The following CLTC variants were observed in gnomAD, a reference collection of about 807,000 sequenced individuals.
The protein encoded by CLTC is clathrin heavy chain 1.
CLTC carries 16 observed loss-of-function variants against 195.8 expected under a neutral mutation model. That is an observed-to-expected ratio of 0.08 (90% CI 0.06 to 0.12). The LOEUF (loss-of-function observed/expected upper bound fraction) is 0.12. CLTC is among the 10% of genes least tolerant of loss of function. The probability of loss-of-function intolerance (pLI) is 1.00; values close to 1 mark genes in which losing one functional copy is unlikely to be tolerated. For synonymous variants in CLTC, 667 were observed against 689.4 expected, an observed-to-expected ratio of 0.97 and a Z score of 0.51; for missense variants, 796 against 2,027.0, an observed-to-expected ratio of 0.39 and a Z score of 11.66.
chr17:59,645,904 A>G, intron 2 of CLTC: 1 of 192,122 alleles, frequency 5.2e-6, no homozygotes, highest in Non-Finnish European at 9.5e-6. Context: ...GTCCTTAGCA[A>G]TTCCCATGCC....
intron 8 of CLTC, among the ~76,000 whole-genome samples, chr17:59,662,246 T>C (rs571715069): frequency 6.6e-6 from 1 of 152,326 alleles, no homozygotes; most frequent in South Asian, 2.1e-4. Flanking sequence ...TTTATTTAAA[T>C]ATGAACCTTT....
At position 59,694,948 on chromosome 17, in the gene CLTC, A is replaced by G. The variant is rs922218300; in HGVS notation, c.*1096A>G. Reference sequence around the variant, plus strand: ...TTCCTGTAGTTCATTAACAAGGTACATGCAATAGTCTAAAGAACCAGAGTC... The same window carrying G: ...TTCCTGTAGTTCATTAACAAGGTACGTGCAATAGTCTAAAGAACCAGAGTC... On this transcript the variant is annotated 3_prime_UTR_variant, in exon 32 of 32. Transcript: ENST00000269122. The G allele has an allele frequency of 2.3e-5, 5 of 220,642 alleles. No individual in the cohort carries two copies. Among genetic ancestry groups the G allele is most frequent in the Non-Finnish European group, 3.6e-5 (4 of 110,046 alleles). 13.7% of individuals were successfully genotyped at this position (220,642 alleles called of 1,614,324 possible).
chr17:59,639,942 A>C (rs937080375), intron 1 of CLTC, among the ~76,000 whole-genome samples: 2 of 152,158 alleles, frequency 1.3e-5, no homozygotes, highest in Non-Finnish European at 2.9e-5. Flanking sequence ...CAACAGGGCA[A>C]GACCCTGTCT....
At position 59,685,230 on chromosome 17, in the gene CLTC, G is replaced by C; in HGVS notation, c.4605+4G>C. 6.3e-7 allele frequency: 1 copy of C among 1,575,214 alleles called. No individual in the cohort carries two copies. The highest frequency in any genetic ancestry group is 8.7e-7 in the Non-Finnish European group (1 of 1,155,676). On this transcript the variant is annotated splice_donor_region_variant and intron_variant, in intron 29 of 31. Transcript: ENST00000269122. This position sits in a 1 kb window ranked among gnomAD's most constrained non-coding sequence, Gnocchi z 5.0. ...CAAGAAAGACAGCCTTTACAAGGTTGATAAAGTTGCGGGGCAGGGGCTGTT... is the reference window on the plus strand; with the variant it reads ...CAAGAAAGACAGCCTTTACAAGGTTCATAAAGTTGCGGGGCAGGGGCTGTT...
intron 5 of CLTC, among the ~76,000 whole-genome samples, chr17:59,653,619 A>G (rs1477718192): frequency 6.6e-6 from 1 of 151,604 alleles, no homozygotes; most frequent in Admixed American, 6.6e-5. Flanking sequence ...TGCTGTGATC[A>G]TAGCTCACTG....
chr17:59,638,040 A>G (rs73331158), intron 1 of CLTC, among the ~76,000 whole-genome samples: 1 of 149,682 alleles, frequency 6.7e-6, no homozygotes, highest in African/African-American at 2.5e-5. Context: ...CCCAGAGACC[A>G]CTAATCTAGT....
Position 59,682,377 on chromosome 17 carries a change from T to C in CLTC, c.3549T>C (p.Leu1183=). ...LIFALAKTNR[L]AELEEFINGP... is the part of the protein sequence containing the mutation. ...TCGCACTGGCTAAAACAAACCGCCTTGCAGAGTTAGAAGAATTTATCAATG... is the reference window on the plus strand; with the variant it reads ...TCGCACTGGCTAAAACAAACCGCCTCGCAGAGTTAGAAGAATTTATCAATG... Residue 1183 remains leucine, a synonymous_variant, in exon 22 of 32, where the codon CTT becomes CTC. Transcript: ENST00000269122. This position sits in a 1 kb window ranked among gnomAD's most constrained non-coding sequence, Gnocchi z 6.8. 6.2e-7 allele frequency: 1 copy of C among 1,614,152 alleles called. No homozygotes were observed. The highest frequency in any genetic ancestry group is 2.2e-5 in the East Asian group (1 of 44,868).
At chr17:59,623,217 G>C (rs1444772310) in intron 1 of CLTC, among the ~76,000 whole-genome samples, 2 of 152,236 alleles carry the variant, frequency 1.3e-5, no homozygotes, top group Non-Finnish European at 2.9e-5. Flanking sequence ...GGAATGTGTT[G>C]TTGAGTCAAA....
intron 5 of CLTC, among the ~76,000 whole-genome samples, chr17:59,652,511 T>C (rs1328579551): frequency 1.3e-5 from 2 of 152,244 alleles, no homozygotes; most frequent in Non-Finnish European, 2.9e-5. Flanking sequence ...GAGTGGATGC[T>C]GTCTTCGCAG....
chr17:59,648,447 G>A lies in CLTC; in HGVS notation c.681+46G>A, dbSNP rs1476431726. ...TTATTTTAATGAGAACTTGTATTTG[G>A]CTTTCTGCTATGAATTAGTCATCTA... On this transcript the variant is annotated intron_variant, in intron 4 of 31. Transcript: ENST00000269122. The surrounding 1 kb of genome is among the most constrained non-coding windows in gnomAD (Gnocchi z 4.5). The A allele has an allele frequency of 6.5e-7, 1 of 1,539,356 alleles. No homozygotes were observed. The highest frequency in any genetic ancestry group is 1.4e-5 in the African/African-American group (1 of 73,286).
chr17:59,636,392 C>T (rs1330232453), intron 1 of CLTC, among the ~76,000 whole-genome samples: 1 of 152,088 alleles, frequency 6.6e-6, no homozygotes, highest in Non-Finnish European at 1.5e-5. Context: ...AAGTTTAAAC[C>T]ATTAAAAACT....
chr17:59,681,902 C>T lies in CLTC; in HGVS notation c.3442+63C>T, dbSNP rs901937121. 5.8e-6 allele frequency: 8 copies of T among 1,390,706 alleles called. No homozygotes were observed. In the Admixed American group the frequency reaches 1.5e-4, roughly 26 times the overall value. 86.1% of individuals were successfully genotyped at this position (1,390,706 alleles called of 1,614,324 possible). A position where few individuals can be genotyped will look rare whatever the true frequency, so the allele number is the denominator to read the frequency against. On this transcript the variant is annotated intron_variant, in intron 21 of 31. Coordinates refer to ENST00000269122, the MANE Select transcript of CLTC (RefSeq NM_004859.4). This position sits in a 1 kb window ranked among gnomAD's most constrained non-coding sequence, Gnocchi z 5.0. ...ATGATTAAGCTAAGCATTAAGATAT[C>T]TGTCTATTCTGAATTTTAGAAGAGT...
rs185248699 is a variant in CLTC, at chr17:59,620,041, C to T, written c.-91C>T. 9 of 1,185,244 alleles carry T rather than the reference C, an allele frequency of 7.6e-6. No homozygotes were observed. Among genetic ancestry groups the T allele is most frequent in the African/African-American group, 1.5e-5 (1 of 66,640 alleles). The allele number at this position is 1,185,244 out of a possible 1,614,324, so 73.4% of individuals were successfully genotyped here. A position where few individuals can be genotyped will look rare whatever the true frequency, so the allele number is the denominator to read the frequency against. The stretch of plus-strand genomic sequence containing the variant: ...GATCCTGCTGAGCCCAGCCTCCCCC[C>T]TCCCCTTCTCCTCCTCTCCCTTGGA... On this transcript the variant is annotated 5_prime_UTR_variant, in exon 1 of 32. Coordinates refer to ENST00000269122, the MANE Select transcript of CLTC (RefSeq NM_004859.4).
chr17:59,679,331 C>A, intron 17 of CLTC, 66 bp from the exon 18 acceptor site: 9 of 1,301,416 alleles, frequency 6.9e-6, no homozygotes, highest in South Asian at 4.7e-5. Flanking sequence ...TAGGAAATAC[C>A]CTCTAAAATG....
intron 1 of CLTC, among the ~76,000 whole-genome samples, chr17:59,632,781 A>G (rs1192059398): frequency 6.6e-6 from 1 of 152,186 alleles, no homozygotes; most frequent in Non-Finnish European, 1.5e-5. Flanking sequence ...TGAGATGGAA[A>G]GTGTCTTCAC....
chr17:59,680,779 C>G lies in CLTC; in HGVS notation c.2920-133C>G, dbSNP rs1470214426. On this transcript the variant is annotated intron_variant, in intron 18 of 31. Coordinates refer to ENST00000269122, the MANE Select transcript of CLTC (RefSeq NM_004859.4). ...TATAGATTTGTGTAGAAAGACCTCTCTATGTAAATTTAAAGGTCTTTTTCC... is the reference window on the plus strand; with the variant it reads ...TATAGATTTGTGTAGAAAGACCTCTGTATGTAAATTTAAAGGTCTTTTTCC... 4 of 611,006 alleles carry G rather than the reference C, an allele frequency of 6.5e-6. No individual in the cohort carries two copies. In the African/African-American group the frequency reaches 7.5e-5, roughly 11 times the overall value. 37.8% of individuals were successfully genotyped at this position (611,006 alleles called of 1,614,324 possible).
chr17:59,635,453 A>G (rs1037526948), intron 1 of CLTC, among the ~76,000 whole-genome samples: 3 of 152,202 alleles, frequency 2.0e-5, no homozygotes, highest in African/African-American at 7.2e-5. Flanking sequence ...AGATGTGAGA[A>G]CTGCTGGTTG....
intron 2 of CLTC, among the ~76,000 whole-genome samples, chr17:59,646,207 C>G (rs1343338744): frequency 6.6e-6 from 1 of 152,092 alleles, no homozygotes; most frequent in Admixed American, 6.6e-5. Context: ...TATTCCAACC[C>G]CTAATAATCT....
chr17:59,696,669 G>C lies in CLTC; in HGVS notation c.*2817G>C, dbSNP rs1361984360. 3 of 210,478 alleles carry C rather than the reference G, an allele frequency of 1.4e-5. No individual in the cohort carries two copies. The highest frequency in any genetic ancestry group is 2.9e-5 in the Non-Finnish European group (3 of 103,856). The allele number at this position is 210,478 out of a possible 1,614,324, so 13.0% of individuals were successfully genotyped here. A position where few individuals can be genotyped will look rare whatever the true frequency, so the allele number is the denominator to read the frequency against. On this transcript the variant is annotated 3_prime_UTR_variant, in exon 32 of 32. Transcript: ENST00000269122. Reference sequence around the variant, plus strand: ...ATCTAAAGATCAAAAGGGAAAAAAGGCACCCTTAATTGTCAAAGTTAGTTC... The same window carrying C: ...ATCTAAAGATCAAAAGGGAAAAAAGCCACCCTTAATTGTCAAAGTTAGTTC...
Sources: gnomAD v4.1 joint callset for allele counts (sites outside exome capture counted in the v4.1 genomes callset) on GRCh38, gnomAD v4.1.1 for gene constraint, Gnocchi (gnomAD v3.1) non-coding constraint, MANE v1.5 for transcripts, NCBI Gene and HGNC (gene_info 2026-07-23, HGNC 2026-07-21) for gene names.